The following FRAS1 variants were observed in gnomAD, a reference collection of about 807,000 sequenced individuals.
FRAS1 encodes the protein Fraser extracellular matrix complex subunit 1.
FRAS1 carries 290 observed loss-of-function variants against 435.2 expected under a neutral mutation model. That is an observed-to-expected ratio of 0.67 (90% confidence interval 0.61 to 0.73). FRAS1 has a LOEUF of 0.73. FRAS1 is among the 30% of genes least tolerant of loss of function. The pLI is 0.00. For missense variants in FRAS1, 4,860 were observed against 5,001.5 expected (o/e 0.97, Z 0.85); for synonymous variants, 1,800 against 1,851.0 (o/e 0.97, Z 0.71).
At chr4:78,150,557 A>G (rs1720605903) in intron 2 of FRAS1, among the ~76,000 whole-genome samples, 1 of 152,208 alleles carries the variant, frequency 6.6e-6, no homozygotes, top group South Asian at 2.1e-4. Flanking sequence ...GCGGAAATAC[A>G]TTCCATTTGT....
intron 2 of FRAS1, among the ~76,000 whole-genome samples, chr4:78,212,078 T>C (rs1161582954): frequency 1.3e-5 from 2 of 152,258 alleles, no homozygotes; most frequent in Admixed American, 1.3e-4. Flanking sequence ...TGTATATATA[T>C]ACACATTCAT....
chr4:78,466,990 A>G (rs1277561203), intron 50 of FRAS1, among the ~76,000 whole-genome samples: 2 of 152,084 alleles, frequency 1.3e-5, no homozygotes, highest in Non-Finnish European at 2.9e-5. Flanking sequence ...GGGGTACATG[A>G]GATGTTTTGA....
At chr4:78,385,035 A>G (rs12643552) in intron 28 of FRAS1, among the ~76,000 whole-genome samples, 21,131 of 151,990 alleles carry the variant, frequency 0.14, 1,828 homozygotes, top group African/African-American at 0.25. Context: ...ATGAGGCTCT[A>G]GTGTGCCAGT....
intron 20 of FRAS1, among the ~76,000 whole-genome samples, chr4:78,354,429 G>A (rs1382743598): frequency 6.6e-6 from 1 of 152,106 alleles, no homozygotes; most frequent in African/African-American, 2.4e-5. Context: ...AACAGCTTAC[G>A]GGTGGGCTGA....
intron 2 of FRAS1, among the ~76,000 whole-genome samples, chr4:78,185,891 CA>C (rs566032103): frequency 4.9e-4 from 75 of 152,290 alleles, no homozygotes; most frequent in African/African-American, 1.8e-3. Context: ...ATTTTCTATT[CA>C]AAATGCTTTT....
chr4:78,335,903 GTT>G lies in FRAS1; in HGVS notation c.2279-1756_2279-1755del, dbSNP rs3086784. Among the ~76,000 whole-genome samples, 30 of 135,056 alleles carry G rather than the reference GTT, an allele frequency of 2.2e-4. No individual in the cohort carries two copies. In the East Asian group the frequency reaches 4.9e-3, roughly 22 times the overall value. 88.6% of individuals were successfully genotyped at this position (135,056 alleles called of 152,430 possible). A position where few individuals can be genotyped will look rare whatever the true frequency, so the allele number is the denominator to read the frequency against. ...CTTTATTGTAGCACCGTGTGTGGTGGTTTTTTTTTTTTTTTTGGTATATACAG... is the reference window on the plus strand; with the variant it reads ...CTTTATTGTAGCACCGTGTGTGGTGGTTTTTTTTTTTTTTGGTATATACAG... On this transcript the variant is annotated intron_variant, in intron 19 of 73. Coordinates refer to ENST00000512123, the MANE Select transcript of FRAS1 (RefSeq NM_025074.7).
intron 25 of FRAS1, 25 bp downstream of exon 25, chr4:78,374,276 C>G (rs751855160): frequency 6.4e-7 from 1 of 1,550,482 alleles, no homozygotes. Flanking sequence ...GCTGATTATT[C>G]TGGAAAGAAG....
chr4:78,468,004 T>G (rs1719587514), intron 50 of FRAS1, among the ~76,000 whole-genome samples: 1 of 152,208 alleles, frequency 6.6e-6, no homozygotes, highest in Non-Finnish European at 1.5e-5. Flanking sequence ...TGGCAGATAT[T>G]TTCACCCATT....
intron 32 of FRAS1, among the ~76,000 whole-genome samples, chr4:78,413,986 A>G (rs1278000684): frequency 6.6e-6 from 1 of 152,202 alleles, no homozygotes; most frequent in Non-Finnish European, 1.5e-5. Flanking sequence ...TCCACATTTT[A>G]GTTAGCACCC....
In FRAS1 at chr4:78,541,431, G is replaced by A. The variant is rs986447192; in HGVS notation, c.*307G>A. 1.0e-5 allele frequency: 2 copies of A among 200,652 alleles called. No homozygotes were observed. The highest frequency in any genetic ancestry group is 2.0e-5 in the Non-Finnish European group (2 of 100,676). The allele number at this position is 200,652 out of a possible 1,614,324, so 12.4% of individuals were successfully genotyped here. A position where few individuals can be genotyped will look rare whatever the true frequency, so the allele number is the denominator to read the frequency against. On this transcript the variant is annotated 3_prime_UTR_variant, in exon 74 of 74. Coordinates refer to ENST00000512123, the MANE Select transcript of FRAS1 (RefSeq NM_025074.7). ...ATCAGGACAGGAGTTGAACAATTAG[G>A]TTAGCAGATGGAGATGAGAGGACTG... is the stretch of plus-strand genomic sequence containing the variant.
chr4:78,466,119 A>G (rs1719518199), intron 49 of FRAS1, 89 bp from the exon 50 acceptor site: 1 of 1,003,636 alleles, frequency 1.0e-6, no homozygotes. Flanking sequence ...TTTGGGTTCT[A>G]CTACCCTTGA....
intron 9 of FRAS1, among the ~76,000 whole-genome samples, chr4:78,278,026 C>T (rs1727145556): frequency 6.6e-6 from 1 of 152,114 alleles, no homozygotes; most frequent in Non-Finnish European, 1.5e-5. Context: ...GTCTCGATCT[C>T]CTGACCTCGT....
intron 34 of FRAS1, 126 bp downstream of exon 34, chr4:78,422,126 T>G: frequency 1.0e-6 from 1 of 1,002,208 alleles, no homozygotes; most frequent in Non-Finnish European, 1.4e-6. Flanking sequence ...CTATTCAAAA[T>G]AGCTTGAGAC....
chr4:78,324,535 G>A (rs1244417347), intron 18 of FRAS1, among the ~76,000 whole-genome samples: 1 of 151,994 alleles, frequency 6.6e-6, no homozygotes, highest in Non-Finnish European at 1.5e-5. Context: ...CAATAATTTT[G>A]TTGAAAATCT....
intron 19 of FRAS1, 106 bp downstream of exon 19, chr4:78,333,518 CA>C: frequency 1.7e-6 from 2 of 1,202,012 alleles, no homozygotes; most frequent in African/African-American, 1.6e-5. Context: ...GACTAAGATT[CA>C]GCTGTAAATC....
At position 78,472,292 on chromosome 4, in the gene FRAS1, A is replaced by G. The variant is rs768839951; in HGVS notation, c.7484A>G (p.Lys2495Arg). The G allele has an allele frequency of 6.2e-7, 1 of 1,611,244 alleles. No homozygotes were observed. Among genetic ancestry groups the G allele is most frequent in the South Asian group, 1.1e-5 (1 of 90,582 alleles). Reference protein sequence around the residue: ...TGPKHGFVENKLQPGRAAATF... With the variant: ...TGPKHGFVENRLQPGRAAATF... ...CCTAAGCATGGCTTTGTGGAGAACA[A>G]GCTGCAGCCTGGCAGAGCTGCTGCC... The change falls in exon 52 of 74, where the codon AAG becomes AGG. Residue 2495 changes from lysine (K) to arginine (R), a missense_variant. Coordinates refer to ENST00000512123, the MANE Select transcript of FRAS1 (RefSeq NM_025074.7).
intron 15 of FRAS1, among the ~76,000 whole-genome samples, chr4:78,308,443 C>T (rs376102120): frequency 1.3e-5 from 2 of 152,212 alleles, no homozygotes; most frequent in African/African-American, 4.8e-5. Context: ...CCTTGTCCCG[C>T]AGATGAAGAT....
At chr4:78,177,416 T>C (rs929551822) in intron 2 of FRAS1, among the ~76,000 whole-genome samples, 2 of 152,192 alleles carry the variant, frequency 1.3e-5, no homozygotes, top group African/African-American at 2.4e-5. Flanking sequence ...TAGTGGAACC[T>C]TAATGGTGGA....
At chr4:78,262,329 G>A (rs886447566) in intron 6 of FRAS1, among the ~76,000 whole-genome samples, 7 of 152,022 alleles carry the variant, frequency 4.6e-5, no homozygotes, top group Non-Finnish European at 8.8e-5. Flanking sequence ...ATGTTTTATT[G>A]TTTGACATCA....
Sources: allele counts gnomAD v4.1 joint callset (sites outside exome capture counted in the v4.1 genomes callset), GRCh38; gene constraint gnomAD v4.1.1; transcripts MANE v1.5; gene names NCBI Gene and HGNC (gene_info 2026-07-23, HGNC 2026-07-21).